The following SLC16A7 variants were observed in gnomAD, a reference collection of about 807,000 sequenced individuals.
The protein encoded by SLC16A7 is solute carrier family 16 member 7.
SLC16A7 carries 33 observed loss-of-function variants against 34.9 expected under a neutral mutation model. The ratio of observed to expected loss-of-function variants is 0.94; its 90% CI spans 0.72 to 1.26. The LOEUF (loss-of-function observed/expected upper bound fraction) is 1.26, where lower values mean the gene tolerates loss of function less well. Among genes scored for constraint, SLC16A7 ranks in the 50% most tolerant of loss-of-function variants. The pLI is 0.00. For synonymous variants in SLC16A7, 201 were observed against 206.6 expected, an observed-to-expected ratio of 0.97 and a Z score of 0.23; for missense variants, 573 against 578.1, an observed-to-expected ratio of 0.99 and a Z score of 0.09.
intron 3 of SLC16A7, among the ~76,000 whole-genome samples, chr12:59,723,283 T>C (rs1875827729): frequency 6.6e-6 from 1 of 151,994 alleles, no homozygotes; most frequent in Non-Finnish European, 1.5e-5. Flanking sequence ...AGAAGTTACT[T>C]ACTTTCTTGG....
intron 3 of SLC16A7, among the ~76,000 whole-genome samples, chr12:59,717,035 A>G (rs1489656955): frequency 6.6e-6 from 1 of 152,184 alleles, no homozygotes; most frequent in East Asian, 1.9e-4. Context: ...CGGCAGCTGT[A>G]AAATCTACGT....
intron 2 of SLC16A7, among the ~76,000 whole-genome samples, chr12:59,684,390 T>C (rs1464930074): frequency 6.6e-6 from 1 of 152,146 alleles, no homozygotes; most frequent in African/African-American, 2.4e-5. Flanking sequence ...TGATAGAAGG[T>C]AGAAATCTCC....
intron 1 of SLC16A7, among the ~76,000 whole-genome samples, chr12:59,633,388 A>G (rs1880272712): frequency 6.6e-6 from 1 of 152,012 alleles, no homozygotes; most frequent in South Asian, 2.1e-4. Context: ...GCCACATTGT[A>G]TTGTATGTAG....
At chr12:59,693,803 A>T (rs1278145161) in intron 2 of SLC16A7, among the ~76,000 whole-genome samples, 1 of 151,896 alleles carries the variant, frequency 6.6e-6, no homozygotes, top group African/African-American at 2.4e-5. Flanking sequence ...GTATAATTTT[A>T]TGCAGAAAAA....
chr12:59,735,636 A>G (rs1031591969), intron 3 of SLC16A7, among the ~76,000 whole-genome samples: 5 of 152,168 alleles, frequency 3.3e-5, no homozygotes, highest in Non-Finnish European at 7.4e-5. Context: ...GTAACAATAT[A>G]TCATGCACTT....
intron 5 of SLC16A7, among the ~76,000 whole-genome samples, chr12:59,778,904 A>T (rs1233929996): frequency 1.3e-5 from 2 of 152,128 alleles, no homozygotes; most frequent in East Asian, 1.9e-4. Context: ...CAAGTGAGCT[A>T]TTACAGATAA....
chr12:59,710,311 T>C (rs1874076897), intron 3 of SLC16A7, among the ~76,000 whole-genome samples: 1 of 152,208 alleles, frequency 6.6e-6, no homozygotes, highest in Non-Finnish European at 1.5e-5. Context: ...TGTGAGTGGA[T>C]ATTATCATTG....
intron 1 of SLC16A7, among the ~76,000 whole-genome samples, chr12:59,627,308 A>G (rs1041159540): frequency 6.6e-6 from 1 of 151,920 alleles, no homozygotes; most frequent in Non-Finnish European, 1.5e-5. Flanking sequence ...TAAATGAATT[A>G]TTTCATAAGT....
intron 2 of SLC16A7, among the ~76,000 whole-genome samples, chr12:59,660,695 T>A (rs1025513768): frequency 1.3e-5 from 2 of 151,782 alleles, no homozygotes; most frequent in South Asian, 4.1e-4. Context: ...GGTGAAAGAG[T>A]GAGACCCTGT....
intron 1 of SLC16A7, among the ~76,000 whole-genome samples, chr12:59,645,834 T>C (rs1880884444): frequency 6.6e-6 from 1 of 152,058 alleles, no homozygotes; most frequent in Admixed American, 6.6e-5. Context: ...AAAATGCTGA[T>C]AGTAATAGGG....
chr12:59,746,935 C>G (rs1878960207), intron 3 of SLC16A7, among the ~76,000 whole-genome samples: 1 of 152,148 alleles, frequency 6.6e-6, no homozygotes, highest in Admixed American at 6.5e-5. Flanking sequence ...TGAGCTCAGG[C>G]AATCCTCCTG....
intron 3 of SLC16A7, among the ~76,000 whole-genome samples, chr12:59,739,872 C>T (rs1324793197): frequency 3.9e-5 from 6 of 152,208 alleles, no homozygotes; most frequent in Admixed American, 6.5e-5. Context: ...ATGTCCTTCA[C>T]CCACTTTTTG....
At chr12:59,740,815 A>T (rs550820331) in intron 3 of SLC16A7, among the ~76,000 whole-genome samples, 16 of 152,170 alleles carry the variant, frequency 1.1e-4, no homozygotes, top group Non-Finnish European at 1.2e-4. Flanking sequence ...GAAAACCCCA[A>T]TGTCTCAGCC....
At chr12:59,623,510 T>C (rs955266968) in intron 1 of SLC16A7, among the ~76,000 whole-genome samples, 23 of 151,776 alleles carry the variant, frequency 1.5e-4, no homozygotes, top group African/African-American at 5.6e-4. Flanking sequence ...TATTTTGTTA[T>C]ATTTTTAAGG....
In SLC16A7 at chr12:59,704,949, A is replaced by G. The variant is rs141108547; in HGVS notation, c.148A>G (p.Ile50Val). 34 of 1,613,682 alleles carry G rather than the reference A, an allele frequency of 2.1e-5. No individual in the cohort carries two copies. The African/African-American group carries it at 4.4e-4, about 21-fold the overall frequency. The change falls in exon 3 of 6, where the codon ATA becomes GTA. Residue 50 changes from isoleucine (I) to valine (V), a missense_variant. Coordinates refer to ENST00000547379, the MANE Select transcript of SLC16A7 (RefSeq NM_001270623.2). Reference protein sequence around the residue: ...VTVFFKEIQQIFHTTYSEIAW... With the variant: ...VTVFFKEIQQVFHTTYSEIAW... ...CGTATTCTTCAAAGAAATTCAGCAA[A>G]TATTCCACACTACCTACAGTGAAAT...
chr12:59,736,977 C>A (rs2137265202), intron 3 of SLC16A7, among the ~76,000 whole-genome samples: 1 of 152,278 alleles, frequency 6.6e-6, no homozygotes, highest in Non-Finnish European at 1.5e-5. Context: ...CCTAAGCAAG[C>A]CCTGAGGTCT....
intron 3 of SLC16A7, among the ~76,000 whole-genome samples, chr12:59,762,500 A>C (rs1731755112): frequency 6.6e-6 from 1 of 152,150 alleles, no homozygotes; most frequent in African/African-American, 2.4e-5. Flanking sequence ...CACTGACTGC[A>C]AATTGTCCGT....
At chr12:59,752,508 A>G (rs1014623111) in intron 3 of SLC16A7, among the ~76,000 whole-genome samples, 21 of 152,218 alleles carry the variant, frequency 1.4e-4, no homozygotes, top group Non-Finnish European at 2.8e-4. Flanking sequence ...GGTATCCGTG[A>G]TGGAAGATGA....
intron 1 of SLC16A7, among the ~76,000 whole-genome samples, chr12:59,640,041 A>C (rs142080597): frequency 6.6e-6 from 1 of 152,150 alleles, no homozygotes; most frequent in African/African-American, 2.4e-5. Flanking sequence ...CCAGTTTATT[A>C]TAAAGGATAT....
Sources: allele counts gnomAD v4.1 joint callset (sites outside exome capture counted in the v4.1 genomes callset), GRCh38; gene constraint gnomAD v4.1.1; transcripts MANE v1.5; gene names NCBI Gene and HGNC (gene_info 2026-07-23, HGNC 2026-07-21).